PRRG2: variants seen among roughly 807,000 people sequenced by gnomAD.
The protein encoded by PRRG2 is proline rich and Gla domain 2.
A neutral mutation model predicts 27.1 loss-of-function variants in PRRG2; 23 were observed. That is an observed-to-expected ratio of 0.85 (90% CI 0.61 to 1.20). The LOEUF (loss-of-function observed/expected upper bound fraction) is 1.20, where lower values mean the gene tolerates loss of function less well. PRRG2 is among the 50% of genes most tolerant of loss of function. PRRG2 has a pLI of 0.00. For synonymous variants in PRRG2, 104 were observed against 103.4 expected (o/e 1.01, Z -0.03); for missense variants, 276 against 254.8 (o/e 1.08, Z -0.57).
intron 4 of PRRG2, among the ~76,000 whole-genome samples, chr19:49,585,571 G>A (rs1424184085): frequency 6.6e-6 from 1 of 152,186 alleles, no homozygotes; most frequent in African/African-American, 2.4e-5. Context: ...GCCAAGGCAG[G>A]CGGATCACCT....
chr19:49,588,711 A>G (rs2080691375), intron 5 of PRRG2, 79 bp downstream of exon 5: 3 of 1,436,440 alleles, frequency 2.1e-6, no homozygotes, highest in Non-Finnish European at 2.7e-6. Context: ...GGATGTGCTA[A>G]GGATTGGGGG....
intron 6 of PRRG2, 81 bp from the exon 7 acceptor site, chr19:49,590,290 G>A (rs979136478): frequency 1.2e-5 from 19 of 1,601,158 alleles, no homozygotes; most frequent in South Asian, 2.2e-5. Flanking sequence ...GAGACGCCAA[G>A]GGCGGTCGGA....
At chr19:49,580,994 T>A (rs2080618174), upstream of PRRG2, among the ~76,000 whole-genome samples, 1 of 152,166 alleles carries the variant, frequency 6.6e-6, no homozygotes, top group South Asian at 2.1e-4. Flanking sequence ...TCAAAGCCGT[T>A]CAAGTCGCTC....
At chr19:49,583,864 A>C in intron 3 of PRRG2, 49 bp from the exon 4 acceptor site, 4 of 1,608,248 alleles carry the variant, frequency 2.5e-6, no homozygotes, top group Non-Finnish European at 3.4e-6. Context: ...TGAACCTCCC[A>C]GCTGAATTCC....
chr19:49,590,086 G>C lies in PRRG2; in HGVS notation c.590+34G>C, dbSNP rs910195500. The C allele has an allele frequency of 3.4e-6, 5 of 1,465,582 alleles. No individual in the cohort carries two copies. The South Asian group carries it at 6.9e-5, about 20-fold the overall frequency. The allele number at this position is 1,465,582 out of a possible 1,614,324, so 90.8% of individuals were successfully genotyped here. On this transcript the variant is annotated intron_variant, in intron 6 of 6. Transcript: ENST00000246794. The stretch of plus-strand genomic sequence containing the variant: ...CGTGGCTTCTGCCCGGGGGCGGGGC[G>C]CAGAGGGGTGGGCACGTTGGAGGAG...
At chr19:49,583,018 G>A (rs2080639514) in intron 1 of PRRG2, among the ~76,000 whole-genome samples, 189 bp from the exon 2 acceptor site, 1 of 151,010 alleles carries the variant, frequency 6.6e-6, no homozygotes, top group South Asian at 2.1e-4. Flanking sequence ...CTGACAGAGC[G>A]AGACTCCATG....
intron 4 of PRRG2, 108 bp from the exon 5 acceptor site, chr19:49,588,389 C>G: frequency 1.4e-6 from 2 of 1,457,084 alleles, no homozygotes; most frequent in Non-Finnish European, 1.8e-6. Flanking sequence ...GGGACCCCAG[C>G]TCTGCCTGCT....
Position 49,590,689 on chromosome 19 carries a change from A to G in PRRG2, c.*300A>G. ...CAGACGCGCGGGGAAATTCGGACCC[A>G]GGAGCCCAGCCCCGGCTGTGCCATC... On this transcript the variant is annotated 3_prime_UTR_variant, in exon 7 of 7. Transcript: ENST00000246794. The G allele has an allele frequency of 4.0e-6, 2 of 495,572 alleles. No individual in the cohort carries two copies. The highest frequency in any genetic ancestry group is 3.7e-5 in the East Asian group (1 of 27,332). The allele number at this position is 495,572 out of a possible 1,614,324, so 30.7% of individuals were successfully genotyped here.
intron 4 of PRRG2, among the ~76,000 whole-genome samples, chr19:49,585,896 A>G (rs1349681079): frequency 6.6e-6 from 1 of 151,934 alleles, no homozygotes; most frequent in East Asian, 1.9e-4. Context: ...TCTGGTCAAC[A>G]TGGTGAAACC....
intron 5 of PRRG2, among the ~76,000 whole-genome samples, chr19:49,589,034 G>A (rs1229194994): frequency 6.6e-6 from 1 of 152,026 alleles, no homozygotes; most frequent in East Asian, 1.9e-4. Context: ...AAATTGGTGA[G>A]GAGTGCGTCT....
chr19:49,585,496 A>C (rs2080662655), intron 4 of PRRG2, among the ~76,000 whole-genome samples: 2 of 152,126 alleles, frequency 1.3e-5, no homozygotes, highest in Non-Finnish European at 2.9e-5. Context: ...AAGGGGCTCA[A>C]AAGTCTGGGG....
At chr19:49,587,677 G>C (rs922885623) in intron 4 of PRRG2, among the ~76,000 whole-genome samples, 4 of 151,730 alleles carry the variant, frequency 2.6e-5, no homozygotes, top group African/African-American at 9.7e-5. Flanking sequence ...TAGAGACAGG[G>C]TTTCTCCATG....
intron 5 of PRRG2, among the ~76,000 whole-genome samples, chr19:49,589,398 T>TTACA (rs1474769257): frequency 6.6e-6 from 1 of 151,364 alleles, no homozygotes; most frequent in Admixed American, 6.6e-5. Context: ...AGTGCTGGGA[T>TTACA]TACAGGTGTG....
chr19:49,586,257 T>A (rs1403998954), intron 4 of PRRG2, among the ~76,000 whole-genome samples: 1 of 151,816 alleles, frequency 6.6e-6, no homozygotes, highest in African/African-American at 2.4e-5. Flanking sequence ...ACTTAAAATT[T>A]TTTTTGTAGA....
At position 49,590,589 on chromosome 19, in the gene PRRG2, C is replaced by T. The variant is rs2080713539; in HGVS notation, c.*200C>T. 1.4e-6 allele frequency: 1 copy of T among 698,256 alleles called. No homozygotes were observed. The highest frequency in any genetic ancestry group is 2.4e-6 in the Non-Finnish European group (1 of 419,766). The allele number at this position is 698,256 out of a possible 1,614,324, so 43.3% of individuals were successfully genotyped here. On this transcript the variant is annotated 3_prime_UTR_variant, in exon 7 of 7. Coordinates refer to ENST00000246794, the MANE Select transcript of PRRG2 (RefSeq NM_000951.3). Reference sequence around the variant, plus strand: ...ACACATGTTTTCGGCAACGTGTTCCCGTGTCCTGGCCCCTCACGGGCCCCC... The same window carrying T: ...ACACATGTTTTCGGCAACGTGTTCCTGTGTCCTGGCCCCTCACGGGCCCCC...
rs2080714138 is a variant in PRRG2 at position 49,590,631 on chromosome 19, G to C, written c.*242G>C. 1.7e-6 allele frequency: 1 copy of C among 587,878 alleles called. No individual in the cohort carries two copies. The highest frequency in any genetic ancestry group is 3.0e-6 in the Non-Finnish European group (1 of 334,918). The allele number at this position is 587,878 out of a possible 1,614,324, so 36.4% of individuals were successfully genotyped here. A position where few individuals can be genotyped will look rare whatever the true frequency, so the allele number is the denominator to read the frequency against. ...CGGGCCCCCACACTCTCCTGACCGTGAGGGCACTGGTCAGTTCCGCCCCCG... is the reference window on the plus strand; with the variant it reads ...CGGGCCCCCACACTCTCCTGACCGTCAGGGCACTGGTCAGTTCCGCCCCCG... On this transcript the variant is annotated 3_prime_UTR_variant, in exon 7 of 7. Coordinates refer to ENST00000246794, the MANE Select transcript of PRRG2 (RefSeq NM_000951.3).
At chr19:49,587,280 A>G (rs921463129) in intron 4 of PRRG2, among the ~76,000 whole-genome samples, 9 of 150,848 alleles carry the variant, frequency 6.0e-5, no homozygotes, top group African/African-American at 1.7e-4. Flanking sequence ...CCTAGCTACA[A>G]TGAATAATTT....
At position 49,583,668 on chromosome 19, in the gene PRRG2, G is replaced by C; in HGVS notation, c.212G>C (p.Arg71Thr). The C allele has an allele frequency of 6.2e-7, 1 of 1,614,198 alleles. No individual in the cohort carries two copies. Among genetic ancestry groups the C allele is most frequent in the East Asian group, 2.2e-5 (1 of 44,892 alleles). The change falls in exon 3 of 7, where the codon AGG (arginine) becomes ACG (threonine). Residue 71 changes from arginine (R) to threonine (T), a missense_variant. By Grantham distance (71) the Arg-to-Thr change is moderately conservative. Transcript: ENST00000246794. ...GNLERECLEE[R>T]CSWEEAREYF... ...CTGGAACGGGAGTGTCTGGAAGAGA[G>C]GTGTTCCTGGGAAGAGGCCAGGGAG...
At chr19:49,584,983 T>C (rs986521288) in intron 4 of PRRG2, among the ~76,000 whole-genome samples, 5 of 152,148 alleles carry the variant, frequency 3.3e-5, no homozygotes, top group Non-Finnish European at 7.4e-5. Context: ...CTGCCCATCC[T>C]CACCTGCCCA....
Sources: allele counts gnomAD v4.1 joint callset (sites outside exome capture counted in the v4.1 genomes callset), GRCh38; gene constraint gnomAD v4.1.1; transcripts MANE v1.5; gene names NCBI Gene and HGNC (gene_info 2026-07-23, HGNC 2026-07-21).